GLIS3: variants seen among roughly 807,000 people sequenced by gnomAD.
The protein encoded by GLIS3 is GLIS family zinc finger 3.
GLIS3 carries 53 observed loss-of-function variants against 78.6 expected under a neutral mutation model. That is an observed-to-expected ratio of 0.67 (90% confidence interval 0.54 to 0.85). The LOEUF (loss-of-function observed/expected upper bound fraction) is 0.85, where lower values mean the gene tolerates loss of function less well. Among genes scored for constraint, GLIS3 ranks in the 40% least tolerant of loss-of-function variants. The probability of loss-of-function intolerance (pLI) is 0.00; values close to 1 mark genes in which losing one functional copy is unlikely to be tolerated. For missense variants in GLIS3, 1,703 were observed against 1,231.1 expected (o/e 1.38, Z -5.74); for synonymous variants, 684 against 509.9 (o/e 1.34, Z -4.60).
intron 4 of GLIS3, among the ~76,000 whole-genome samples, chr9:3,993,065 T>G (rs1172922563): frequency 6.6e-6 from 1 of 152,212 alleles, no homozygotes; most frequent in East Asian, 1.9e-4. Flanking sequence ...GGGGATTTTC[T>G]GAGCTACAGG....
At chr9:4,319,535 T>A (rs1817490230) in intron 2 of GLIS3, among the ~76,000 whole-genome samples, 1 of 60,762 alleles carries the variant, frequency 1.6e-5, no homozygotes, top group South Asian at 6.7e-4. Context: ...ATACTAACAC[T>A]TTTTTTTTTC....
At chr9:4,427,895 TA>T in the GLIS3 span, among the ~76,000 whole-genome samples, 20 of 150,724 alleles carry the variant, frequency 1.3e-4, no homozygotes, top group African/African-American at 4.9e-4. Context: ...ATAATTATAC[TA>T]ATATGTGTAG....
intron 2 of GLIS3, among the ~76,000 whole-genome samples, chr9:4,341,229 C>G (rs1817829998): frequency 6.6e-6 from 1 of 152,194 alleles, no homozygotes; most frequent in Non-Finnish European, 1.5e-5. Flanking sequence ...ACTTCCACTT[C>G]TTCTTCAGCC....
chr9:4,079,715 C>G (rs1828386342), intron 4 of GLIS3, among the ~76,000 whole-genome samples: 2 of 150,164 alleles, frequency 1.3e-5, no homozygotes, highest in Admixed American at 6.6e-5. Context: ...AAGGAAAGGC[C>G]TTCTTTTCTA....
At chr9:4,360,179 A>G in the GLIS3 span, among the ~76,000 whole-genome samples, 3 of 152,170 alleles carry the variant, frequency 2.0e-5, no homozygotes, top group African/African-American at 7.2e-5. Context: ...GCTGAGGAGG[A>G]TTGGAATCAT....
chr9:4,200,655 T>A (rs764764667), intron 2 of GLIS3, among the ~76,000 whole-genome samples: 2 of 151,150 alleles, frequency 1.3e-5, no homozygotes, highest in Non-Finnish European at 3.0e-5. Context: ...CAAAATTGAA[T>A]CAGAAAAAAA....
intron 4 of GLIS3, among the ~76,000 whole-genome samples, chr9:4,106,797 C>T (rs1216803517): frequency 6.6e-6 from 1 of 152,120 alleles, no homozygotes; most frequent in Non-Finnish European, 1.5e-5. Context: ...TATAACCTTG[C>T]CCTTGATAAT....
At chr9:4,261,138 T>C (rs1008332891) in intron 2 of GLIS3, among the ~76,000 whole-genome samples, 1 of 152,202 alleles carries the variant, frequency 6.6e-6, no homozygotes, top group African/African-American at 2.4e-5. Flanking sequence ...GAACTGAGTC[T>C]TGATTAACTC....
the GLIS3 span, among the ~76,000 whole-genome samples, chr9:4,407,957 G>C: frequency 2.0e-5 from 3 of 152,086 alleles, no homozygotes; most frequent in African/African-American, 7.2e-5. Flanking sequence ...AATGGGCAAA[G>C]ATCTGAAAAG....
In GLIS3 at chr9:4,307,133, T is replaced by C. The variant is rs181519989; in HGVS notation, n.584+1644A>G. 2.3e-3 allele frequency among the ~76,000 whole-genome samples: 351 copies of C among 152,328 alleles called. 2 individuals carry two copies. Among genetic ancestry groups the C allele is most frequent in the African/African-American group, 8.2e-3 (339 of 41,578 alleles). The stretch of plus-strand genomic sequence containing the variant: ...ATCAGGCTGAGCAAAGTACGTAAGA[T>C]TCTTGATCTCATTTAATTCTCACAG... On this transcript the variant is annotated intron_variant and non_coding_transcript_variant, in intron 4 of 4. Transcript: ENST00000471664.
intron 7 of GLIS3, among the ~76,000 whole-genome samples, chr9:3,887,159 C>G (rs60895507): frequency 6.6e-6 from 1 of 152,096 alleles, no homozygotes; most frequent in Admixed American, 6.5e-5. Flanking sequence ...TGTAGACTAT[C>G]ATTATCCAGC....
intron 4 of GLIS3, among the ~76,000 whole-genome samples, chr9:4,091,663 C>T (rs1829515369): frequency 6.6e-6 from 1 of 152,000 alleles, no homozygotes; most frequent in South Asian, 2.1e-4. Context: ...GCGAGCATCC[C>T]CCTTCGCTCG....
intron 2 of GLIS3, among the ~76,000 whole-genome samples, chr9:4,238,962 T>C (rs537454067): frequency 6.6e-6 from 1 of 152,056 alleles, no homozygotes; most frequent in Non-Finnish European, 1.5e-5. Context: ...CCTGCAGTAG[T>C]TTGCTGAGAA....
At chr9:4,102,519 T>TGAG (rs1830445672) in intron 4 of GLIS3, among the ~76,000 whole-genome samples, 1 of 152,132 alleles carries the variant, frequency 6.6e-6, no homozygotes, top group African/African-American at 2.4e-5. Context: ...TTGTCACTAC[T>TGAG]GAGGGTACAG....
At chr9:4,395,512 G>T in the GLIS3 span, among the ~76,000 whole-genome samples, 10 of 152,142 alleles carry the variant, frequency 6.6e-5, no homozygotes, top group African/African-American at 1.9e-4. Flanking sequence ...AGCTGAAGAA[G>T]AAGAATCTCC....
chr9:4,427,308 T>C, the GLIS3 span, among the ~76,000 whole-genome samples: 1 of 152,172 alleles, frequency 6.6e-6, no homozygotes, highest in African/African-American at 2.4e-5. Context: ...CCACTTATAA[T>C]TGTTTCCATT....
the GLIS3 span, among the ~76,000 whole-genome samples, chr9:4,432,363 G>A: frequency 1.3e-5 from 2 of 152,248 alleles, no homozygotes; most frequent in South Asian, 4.2e-4. Context: ...AAACAGAAGT[G>A]GGGGGACAGC....
the GLIS3 span, among the ~76,000 whole-genome samples, chr9:4,477,460 G>T: frequency 6.6e-6 from 1 of 152,072 alleles, no homozygotes; most frequent in Non-Finnish European, 1.5e-5. Context: ...TGTCACCCAG[G>T]TTGTAATGCA....
intron 2 of GLIS3, among the ~76,000 whole-genome samples, chr9:4,209,824 C>A (rs10814885): frequency 5.3e-5 from 8 of 151,468 alleles, no homozygotes; most frequent in South Asian, 4.1e-4. Context: ...CGCCCCCCCC[C>A]AGTTGTGACC....
Sources: gnomAD v4.1 joint callset for allele counts (sites outside exome capture counted in the v4.1 genomes callset) on GRCh38, gnomAD v4.1.1 for gene constraint, MANE v1.5 for transcripts, NCBI Gene and HGNC (gene_info 2026-07-23, HGNC 2026-07-21) for gene names.